Variants in MREG observed in about 807,000 individuals in gnomAD.
MREG encodes the protein dilute suppressor protein homolog.
MREG carries 31 observed loss-of-function variants against 28.5 expected under a neutral mutation model. That is an observed-to-expected ratio of 1.09 (90% CI 0.82 to 1.47). The LOEUF is 1.47. Ranked by LOEUF, MREG falls within the 40% of genes most tolerant of loss-of-function variation. The probability of loss-of-function intolerance (pLI) is 0.00; values close to 1 mark genes in which losing one functional copy is unlikely to be tolerated. For missense variants in MREG, 256 were observed against 257.4 expected (o/e 0.99, Z 0.04); for synonymous variants, 106 against 95.2 (o/e 1.11, Z -0.66).
At chr2:215,940,527 T>C (rs371544366), downstream of MREG, among the ~76,000 whole-genome samples, 4 of 152,230 alleles carry the variant, frequency 2.6e-5, no homozygotes, top group Admixed American at 2.0e-4. Context: ...ATTAGTCGGA[T>C]AACTCCTAGG....
chr2:215,975,003 A>T (rs927587336), intron 2 of MREG, among the ~76,000 whole-genome samples: 1 of 23,720 alleles, frequency 4.2e-5, no homozygotes, highest in Admixed American at 6.7e-4. Flanking sequence ...TTTATTTTAT[A>T]TGAATTATAT....
At chr2:215,979,448 A>C (rs998989457) in intron 2 of MREG, among the ~76,000 whole-genome samples, 48 of 148,684 alleles carry the variant, frequency 3.2e-4, no homozygotes, top group Non-Finnish European at 6.2e-4. Flanking sequence ...GGGCAACAAG[A>C]GTGAAACTCC....
chr2:216,023,074 A>G (rs557704289), intron 1 of MREG, among the ~76,000 whole-genome samples: 91 of 152,224 alleles, frequency 6.0e-4, no homozygotes, highest in African/African-American at 2.0e-3. Flanking sequence ...TCTCCACAAC[A>G]CTCAAGAGAT....
At chr2:215,971,073 G>A (rs1295277228) in intron 2 of MREG, among the ~76,000 whole-genome samples, 1 of 152,138 alleles carries the variant, frequency 6.6e-6, no homozygotes, top group Non-Finnish European at 1.5e-5. Flanking sequence ...ACTCATAAGT[G>A]GGAGTTGAAC....
chr2:215,985,753 T>C (rs1457314960), intron 2 of MREG, among the ~76,000 whole-genome samples: 3 of 152,212 alleles, frequency 2.0e-5, no homozygotes, highest in Non-Finnish European at 2.9e-5. Context: ...ATTCCAAATA[T>C]GGACATTCCT....
upstream of MREG, among the ~76,000 whole-genome samples, chr2:216,017,625 G>A (rs1032728057): frequency 1.3e-5 from 2 of 152,152 alleles, no homozygotes; most frequent in Admixed American, 6.6e-5. Context: ...CCTGATGTCC[G>A]GGAAGTAGGC....
At position 215,980,753 on chromosome 2, in the gene MREG, A is replaced by T. The variant is rs200407935; in HGVS notation, c.255+15553T>A. Among the ~76,000 whole-genome samples, 30 of 151,766 alleles carry T rather than the reference A, an allele frequency of 2.0e-4. 1 individual carries two copies. The East Asian group carries it at 5.8e-3, about 30-fold the overall frequency. ...CTTGAACCCAGGAGGTGGAAGTTGC[A>T]GTGAGCAGAGATCACGCCACTGCCC... is the stretch of plus-strand genomic sequence containing the variant. On this transcript the variant is annotated intron_variant, in intron 2 of 4. Transcript: ENST00000263268.
chr2:215,977,630 G>A (rs1327352369), intron 2 of MREG, among the ~76,000 whole-genome samples: 2 of 152,146 alleles, frequency 1.3e-5, no homozygotes, highest in African/African-American at 2.4e-5. Flanking sequence ...ATAGTTGGAC[G>A]TAAAGCACTC....
At chr2:215,981,031 G>A (rs374947701) in intron 2 of MREG, among the ~76,000 whole-genome samples, 2 of 152,224 alleles carry the variant, frequency 1.3e-5, no homozygotes, top group East Asian at 1.9e-4. Context: ...AAATGGTACA[G>A]ATACTGTGGG....
intron 1 of MREG, among the ~76,000 whole-genome samples, chr2:216,024,349 C>T (rs1336959117): frequency 3.3e-5 from 5 of 151,748 alleles, no homozygotes; most frequent in African/African-American, 1.2e-4. Context: ...CCAGCCTGGT[C>T]AACATGGCAA....
chr2:216,015,134 C>T (rs1162534518), upstream of MREG, among the ~76,000 whole-genome samples: 1 of 151,712 alleles, frequency 6.6e-6, no homozygotes, highest in Non-Finnish European at 1.5e-5. Flanking sequence ...TGTGTGCGCG[C>T]GTGCGTCTGT....
intron 1 of MREG, among the ~76,000 whole-genome samples, chr2:215,998,821 T>A (rs1199524093): frequency 6.6e-6 from 1 of 152,228 alleles, no homozygotes; most frequent in Admixed American, 6.5e-5. Context: ...GTATACTGAG[T>A]ACCGGGCTGG....
intron 4 of MREG, 76 bp downstream of exon 4, chr2:215,945,495 G>A (rs1000924870): frequency 9.2e-6 from 14 of 1,519,292 alleles, no homozygotes; most frequent in African/African-American, 4.1e-5. Context: ...GTTGGAATAC[G>A]GAGGATAGTG....
intron 2 of MREG, among the ~76,000 whole-genome samples, chr2:215,965,706 A>G (rs1182426686): frequency 2.0e-5 from 3 of 152,176 alleles, no homozygotes; most frequent in East Asian, 3.8e-4. Context: ...TCTGCTTGAC[A>G]CTGAACAATT....
intron 1 of MREG, among the ~76,000 whole-genome samples, chr2:216,012,951 C>T (rs1365717084): frequency 6.6e-6 from 1 of 152,198 alleles, no homozygotes; most frequent in Non-Finnish European, 1.5e-5. Context: ...ACTTCTCTCC[C>T]TTACTTCCCT....
chr2:216,031,661 A>AAAAGAAAGAAAGAAAGAAAGAAAG (rs1553558850), intron 1 of MREG, among the ~76,000 whole-genome samples: 27 of 72,150 alleles, frequency 3.7e-4, no homozygotes, highest in African/African-American at 1.5e-3. Context: ...GAAAGAAAGA[A>AAAAGAAAGAAAGAAAGAAAGAAAG]AGAAAGAAAG....
chr2:215,963,456 CAAAAAAACAG>C (rs1559178839), intron 2 of MREG, among the ~76,000 whole-genome samples: 4 of 38,648 alleles, frequency 1.0e-4, no homozygotes, highest in Non-Finnish European at 1.8e-4. Context: ...AAAAAAAAAA[CAAAAAAACAG>C]AGTTTTTATA....
At chr2:215,967,303 T>C (rs1407142213) in intron 2 of MREG, among the ~76,000 whole-genome samples, 2 of 152,200 alleles carry the variant, frequency 1.3e-5, no homozygotes, top group African/African-American at 4.8e-5. Flanking sequence ...TTCCTGTGAA[T>C]TTAAAACCCC....
At chr2:215,996,987 G>C (rs1186642570) in intron 1 of MREG, among the ~76,000 whole-genome samples, 1 of 152,146 alleles carries the variant, frequency 6.6e-6, no homozygotes, top group East Asian at 1.9e-4. Flanking sequence ...TGCCATGTTG[G>C]TCAGGCTGGT....
Sources: allele counts gnomAD v4.1 joint callset (sites outside exome capture counted in the v4.1 genomes callset), GRCh38; gene constraint gnomAD v4.1.1; transcripts MANE v1.5; gene names NCBI Gene and HGNC (gene_info 2026-07-23, HGNC 2026-07-21).